DDAH1: variants seen among roughly 807,000 people sequenced by gnomAD.
DDAH1 encodes N(G),N(G)-dimethylarginine dimethylaminohydrolase 1.
Under a neutral mutation model 28.8 loss-of-function variants are expected in DDAH1, and 19 were observed. The observed-to-expected ratio is 0.66, with a 90% CI of 0.46 to 0.97. The LOEUF (loss-of-function observed/expected upper bound fraction) is 0.97. Ranked by LOEUF, DDAH1 falls within the 50% of genes least tolerant of loss-of-function variation. The pLI is 0.00. For missense variants in DDAH1, 326 were observed against 375.9 expected (o/e 0.87, Z 1.10); for synonymous variants, 153 against 154.4 (o/e 0.99, Z 0.07).
At chr1:85,412,158 G>A (rs1018155800) in intron 1 of DDAH1, among the ~76,000 whole-genome samples, 1 of 152,130 alleles carries the variant, frequency 6.6e-6, no homozygotes, top group Admixed American at 6.5e-5. Context: ...TTGTTTTAAG[G>A]CCTGCAATAG....
At chr1:85,418,054 A>C (rs1652963345) in intron 1 of DDAH1, among the ~76,000 whole-genome samples, 1 of 152,244 alleles carries the variant, frequency 6.6e-6, no homozygotes, top group Admixed American at 6.5e-5. Flanking sequence ...ATAATGACCA[A>C]ATCTACAGAG....
At chr1:85,536,303 C>T (rs1202119929) in intron 1 of DDAH1, among the ~76,000 whole-genome samples, 9 of 151,686 alleles carry the variant, frequency 5.9e-5, no homozygotes, top group African/African-American at 2.2e-4. Context: ...ACCTGTAATC[C>T]CAGCACTTTG....
At chr1:85,371,469 C>T (rs1325580673) in intron 1 of DDAH1, among the ~76,000 whole-genome samples, 1 of 152,178 alleles carries the variant, frequency 6.6e-6, no homozygotes, top group Non-Finnish European at 1.5e-5. Context: ...CCACTGCACT[C>T]CAGCCTGGGC....
At chr1:85,330,044 ATGT>A (rs990624208) in intron 4 of DDAH1, among the ~76,000 whole-genome samples, 6 of 152,172 alleles carry the variant, frequency 3.9e-5, no homozygotes, top group African/African-American at 1.4e-4. Context: ...TTTCTCTTGT[ATGT>A]TGTTATTGTC....
intron 2 of DDAH1, among the ~76,000 whole-genome samples, chr1:85,356,559 G>A (rs1308818013): frequency 6.6e-6 from 1 of 152,062 alleles, no homozygotes; most frequent in Non-Finnish European, 1.5e-5. Context: ...GTGTTTAACC[G>A]CAATAAAATA....
At chr1:85,323,484 ATCCAGAGAGAGC>A (rs1661437292) in intron 5 of DDAH1, among the ~76,000 whole-genome samples, 1 of 152,224 alleles carries the variant, frequency 6.6e-6, no homozygotes, top group African/African-American at 2.4e-5. Flanking sequence ...AGCATTCCAG[ATCCAGAGAGAGC>A]TCCCTTATTG....
chr1:85,367,575 T>C (rs1330278379), intron 1 of DDAH1, among the ~76,000 whole-genome samples: 1 of 152,202 alleles, frequency 6.6e-6, no homozygotes, highest in Non-Finnish European at 1.5e-5. Context: ...ATGGATTATG[T>C]CATTTAATTA....
chr1:85,387,181 C>T (rs529040085), intron 1 of DDAH1, among the ~76,000 whole-genome samples: 1 of 152,312 alleles, frequency 6.6e-6, no homozygotes, highest in South Asian at 2.1e-4. Flanking sequence ...CTCTAGCAAG[C>T]AATAGATCAG....
In DDAH1 at chr1:85,344,338, GAAAACAAAAAC is replaced by G. The variant is rs560911007; in HGVS notation, c.597+6066_597+6076del. ...CACAAATGTAATATATGAAAAAAATGAAAACAAAAACAAAACAAGACAAAACAACAAAAAAT... is the reference window on the plus strand; with the variant it reads ...CACAAATGTAATATATGAAAAAAATGAAAACAAGACAAAACAACAAAAAAT... On this transcript the variant is annotated intron_variant, in intron 4 of 5. Coordinates refer to ENST00000284031, the MANE Select transcript of DDAH1 (RefSeq NM_012137.4). 1.8e-3 allele frequency among the ~76,000 whole-genome samples: 270 copies of G among 152,200 alleles called. 1 individual carries two copies. The highest frequency in any genetic ancestry group is 3.3e-3 in the Non-Finnish European group (224 of 67,986).
chr1:85,429,998 C>T (rs951007761), intron 1 of DDAH1, among the ~76,000 whole-genome samples: 1 of 152,058 alleles, frequency 6.6e-6, no homozygotes, highest in Non-Finnish European at 1.5e-5. Flanking sequence ...GTGCAGAGCT[C>T]TTTAGTTAAA....
Position 85,381,076 on chromosome 1 carries a change from A to C in DDAH1, c.304-22229T>G, listed in dbSNP as rs188786612. Among the ~76,000 whole-genome samples the C allele has an allele frequency of 2.0e-5, 3 of 150,532 alleles. No individual in the cohort carries two copies. The East Asian group carries it at 5.9e-4, about 30-fold the overall frequency. On this transcript the variant is annotated intron_variant, in intron 1 of 5. Transcript: ENST00000284031. ...ATATGGTGAAACCTCATCTCTACTA[A>C]AAAATACAAAAATTAGCCGGGCGTG...
intron 1 of DDAH1, among the ~76,000 whole-genome samples, chr1:85,378,387 G>T (rs548427027): frequency 6.6e-4 from 100 of 152,188 alleles, no homozygotes; most frequent in Non-Finnish European, 7.9e-4. Context: ...CCCTCTCTAT[G>T]GAACCTGGGA....
At chr1:85,335,545 T>G (rs1329367368) in intron 4 of DDAH1, among the ~76,000 whole-genome samples, 1 of 151,766 alleles carries the variant, frequency 6.6e-6, no homozygotes, top group Admixed American at 6.6e-5. Context: ...AGATTTTTAA[T>G]GAAAAACAGT....
chr1:85,471,101 C>T (rs1481700715), intron 2 of DDAH1, among the ~76,000 whole-genome samples: 1 of 152,196 alleles, frequency 6.6e-6, no homozygotes, highest in Non-Finnish European at 1.5e-5. Context: ...GATATACTTA[C>T]AGGAGACTGG....
intron 1 of DDAH1, among the ~76,000 whole-genome samples, chr1:85,452,541 A>AC (rs965316194): frequency 1.3e-5 from 2 of 152,142 alleles, no homozygotes. Context: ...AAACAAACAA[A>AC]AAAAAAACTG....
At chr1:85,462,802 G>A (rs1655185254) in intron 1 of DDAH1, among the ~76,000 whole-genome samples, 2 of 152,210 alleles carry the variant, frequency 1.3e-5, no homozygotes, top group South Asian at 4.1e-4. Context: ...CAATGCAAAG[G>A]CAGGCACCAG....
chr1:85,457,910 T>C (rs1557653724), intron 1 of DDAH1, among the ~76,000 whole-genome samples: 1 of 152,156 alleles, frequency 6.6e-6, no homozygotes, highest in Non-Finnish European at 1.5e-5. Flanking sequence ...AGGCTGGTTT[T>C]GAACTCCTGA....
chr1:85,525,148 G>T (rs1481737364), intron 1 of DDAH1, among the ~76,000 whole-genome samples: 3 of 151,764 alleles, frequency 2.0e-5, no homozygotes, highest in Non-Finnish European at 2.9e-5. Context: ...ATGTAGAAAT[G>T]CTGGAGATGC....
At chr1:85,548,348 C>A (rs975984867) in intron 1 of DDAH1, among the ~76,000 whole-genome samples, 1 of 152,176 alleles carries the variant, frequency 6.6e-6, no homozygotes, top group East Asian at 1.9e-4. Context: ...TTAACTAACT[C>A]ACCCTTTAGT....
Sources: allele counts gnomAD v4.1 joint callset (sites outside exome capture counted in the v4.1 genomes callset), GRCh38; gene constraint gnomAD v4.1.1; transcripts MANE v1.5; gene names NCBI Gene and HGNC (gene_info 2026-07-23, HGNC 2026-07-21).